Variants in RNF141 observed in about 807,000 individuals in gnomAD.
The protein encoded by RNF141 is ring finger protein 141, also known as C3HC4-like zinc finger protein.
RNF141 carries 18 observed loss-of-function variants against 27.4 expected under a neutral mutation model. The observed-to-expected ratio is 0.66, with a 90% CI of 0.45 to 0.97. The LOEUF (loss-of-function observed/expected upper bound fraction) is 0.97. Among genes scored for constraint, RNF141 ranks in the 50% least tolerant of loss-of-function variants. The probability of loss-of-function intolerance (pLI) is 0.00; values close to 1 mark genes in which losing one functional copy is unlikely to be tolerated. For synonymous variants in RNF141, 97 were observed against 96.6 expected, an observed-to-expected ratio of 1.00 and a Z score of -0.02; for missense variants, 230 against 279.4, an observed-to-expected ratio of 0.82 and a Z score of 1.26.
At chr11:10,521,785 T>G (rs1169553463) in intron 4 of RNF141, among the ~76,000 whole-genome samples, 1 of 152,204 alleles carries the variant, frequency 6.6e-6, no homozygotes, top group African/African-American at 2.4e-5. Context: ...TCATGTGTGT[T>G]TATGTCTGTG....
At chr11:10,527,652 G>GT (rs569910081) in intron 3 of RNF141, among the ~76,000 whole-genome samples, 1 of 152,014 alleles carries the variant, frequency 6.6e-6, no homozygotes, top group African/African-American at 2.4e-5. Flanking sequence ...TCACGGGGGG[G>GT]GGTTTTGAGC....
At chr11:10,535,255 C>T (rs1384952609) in intron 1 of RNF141, among the ~76,000 whole-genome samples, 1 of 150,818 alleles carries the variant, frequency 6.6e-6, no homozygotes, top group African/African-American at 2.4e-5. Flanking sequence ...AAGTTAGTAA[C>T]CCCAAAATAT....
At chr11:10,519,876 C>G (rs780836442) in intron 4 of RNF141, among the ~76,000 whole-genome samples, 83 of 152,134 alleles carry the variant, frequency 5.5e-4, no homozygotes, top group Non-Finnish European at 8.7e-4. Flanking sequence ...AGGCCTAGGA[C>G]AGGAGTGTAC....
chr11:10,529,198 A>G (rs1399366524), intron 3 of RNF141, among the ~76,000 whole-genome samples: 28 of 152,222 alleles, frequency 1.8e-4, no homozygotes, highest in Admixed American at 1.8e-3. Context: ...CATGCTAATC[A>G]TATTCCCTCT....
intron 2 of RNF141, among the ~76,000 whole-genome samples, chr11:10,532,311 C>T (rs1849993834): frequency 6.6e-6 from 1 of 152,014 alleles, no homozygotes; most frequent in Non-Finnish European, 1.5e-5. Context: ...TAATGCTTTG[C>T]ACACTACCCT....
At chr11:10,531,297 C>T (rs1849984017) in intron 2 of RNF141, among the ~76,000 whole-genome samples, 1 of 149,180 alleles carries the variant, frequency 6.7e-6, no homozygotes, top group Non-Finnish European at 1.5e-5. Context: ...ATTGCTTGAA[C>T]ACGGGAGGTG....
In RNF141 at chr11:10,539,687, C is replaced by CATATAT. The variant is rs1330301830; in HGVS notation, c.-48+1434_-48+1435insATATAT. 1.0e-3 allele frequency among the ~76,000 whole-genome samples: 51 copies of CATATAT among 50,890 alleles called. 5 individuals are homozygous for CATATAT. Among genetic ancestry groups the CATATAT allele is most frequent in the South Asian group, 1.1e-3 (2 of 1,808 alleles). The allele number at this position is 50,890 out of a possible 152,430, so 33.4% of individuals were successfully genotyped here. A position where few individuals can be genotyped will look rare whatever the true frequency, so the allele number is the denominator to read the frequency against. ...CAAAGATCTTGATCAGAAAAAGATA[C>CATATAT]ATACATATATATTAGAGAGAGAAGG... On this transcript the variant is annotated intron_variant, in intron 1 of 5. Transcript: ENST00000265981.
Position 10,519,204 on chromosome 11 carries a change from T to G in RNF141, c.435-63A>C. 1.1e-5 allele frequency: 16 copies of G among 1,467,294 alleles called. No individual in the cohort carries two copies. In the South Asian group the frequency reaches 1.9e-4, roughly 17 times the overall value. The allele number at this position is 1,467,294 out of a possible 1,614,324, so 90.9% of individuals were successfully genotyped here. ...CTGTCATTATGCTTTATACTTTTTGTTGCTTTAAAAAGCATTATTAAACAT... is the reference window on the plus strand; with the variant it reads ...CTGTCATTATGCTTTATACTTTTTGGTGCTTTAAAAAGCATTATTAAACAT... On this transcript the variant is annotated intron_variant, in intron 4 of 5. Transcript: ENST00000265981.
chr11:10,538,234 G>A (rs896188677), intron 1 of RNF141, among the ~76,000 whole-genome samples: 2 of 152,148 alleles, frequency 1.3e-5, no homozygotes, highest in African/African-American at 2.4e-5. Context: ...CTAACTCCTT[G>A]CATTAAAATG....
intron 2 of RNF141, 101 bp downstream of exon 2, chr11:10,533,915 T>C: frequency 9.5e-7 from 1 of 1,049,992 alleles, no homozygotes; most frequent in Non-Finnish European, 1.4e-6. Flanking sequence ...AAACATTAAG[T>C]CTTACCAATC....
intron 4 of RNF141, among the ~76,000 whole-genome samples, chr11:10,519,583 G>A (rs1849870452): frequency 6.7e-6 from 1 of 148,566 alleles, no homozygotes; most frequent in African/African-American, 2.4e-5. Flanking sequence ...AACCTAGATG[G>A]TTTAGCCTAC....
intron 3 of RNF141, among the ~76,000 whole-genome samples, chr11:10,530,050 G>A (rs576980679): frequency 2.2e-4 from 33 of 152,158 alleles, no homozygotes; most frequent in Non-Finnish European, 4.4e-4. Flanking sequence ...TTTTAGAGCC[G>A]GGGTGGGGAT....
At chr11:10,540,450 C>A (rs1452527734) in intron 1 of RNF141, among the ~76,000 whole-genome samples, 1 of 152,038 alleles carries the variant, frequency 6.6e-6, no homozygotes, top group Non-Finnish European at 1.5e-5. Flanking sequence ...CAAAAGCTAA[C>A]ACAGAAGCCT....
At position 10,514,708 on chromosome 11, in the gene RNF141, G is replaced by T; in HGVS notation, c.*208C>A. ...GAACAGATAAATAATAGGAAAATATGGTCTAAAACAGTAGCAAATTTTAGT... is the reference window on the plus strand; with the variant it reads ...GAACAGATAAATAATAGGAAAATATTGTCTAAAACAGTAGCAAATTTTAGT... On this transcript the variant is annotated 3_prime_UTR_variant, in exon 6 of 6. Transcript: ENST00000265981. The T allele has an allele frequency of 2.2e-6, 1 of 453,586 alleles. No homozygotes were observed. The highest frequency in any genetic ancestry group is 3.5e-5 in the East Asian group (1 of 28,252). The allele number at this position is 453,586 out of a possible 1,614,324, so 28.1% of individuals were successfully genotyped here.
intron 4 of RNF141, 41 bp from the exon 5 acceptor site, chr11:10,519,182 T>G (rs752741404): frequency 6.5e-7 from 1 of 1,538,764 alleles, no homozygotes; most frequent in Non-Finnish European, 9.0e-7. Flanking sequence ...ATATTCTCTG[T>G]CATTATGCTT....
At chr11:10,532,510 C>G (rs1273447350) in intron 2 of RNF141, among the ~76,000 whole-genome samples, 1 of 141,436 alleles carries the variant, frequency 7.1e-6, no homozygotes, top group African/African-American at 2.6e-5. Flanking sequence ...CACACACACA[C>G]ACACACACAC....
At chr11:10,517,410 T>C (rs1265528225) in intron 5 of RNF141, 4 of 151,934 alleles carry the variant, frequency 2.6e-5, no homozygotes, top group South Asian at 4.1e-4. Context: ...TACATGGTAA[T>C]TGGAATCACA....
intron 1 of RNF141, among the ~76,000 whole-genome samples, chr11:10,539,771 C>A (rs988754414): frequency 7.3e-6 from 1 of 136,840 alleles, no homozygotes; most frequent in Non-Finnish European, 1.6e-5. Flanking sequence ...ATGGATTTCT[C>A]ACAGTAACAG....
intron 3 of RNF141, among the ~76,000 whole-genome samples, chr11:10,527,524 CAG>C (rs1849946374): frequency 6.7e-6 from 1 of 149,250 alleles, no homozygotes; most frequent in African/African-American, 2.4e-5. Flanking sequence ...GTGTTTGGAA[CAG>C]AGTGACAGAC....
Sources: allele counts gnomAD v4.1 joint callset (sites outside exome capture counted in the v4.1 genomes callset), GRCh38; gene constraint gnomAD v4.1.1; transcripts MANE v1.5; gene names NCBI Gene and HGNC (gene_info 2026-07-23, HGNC 2026-07-21).